The following TUT4 variants were observed in gnomAD, a reference collection of about 807,000 sequenced individuals.
The protein encoded by TUT4 is terminal uridylyl transferase 4.
A neutral mutation model predicts 192.2 loss-of-function variants in TUT4; 36 were observed. The ratio of observed to expected loss-of-function variants is 0.19; its 90% CI spans 0.14 to 0.25. TUT4 has a LOEUF of 0.25. Among genes scored for constraint, TUT4 ranks in the 10% least tolerant of loss-of-function variants. TUT4 has a pLI of 1.00. For missense variants in TUT4, 1,493 were observed against 1,957.2 expected, an observed-to-expected ratio of 0.76 and a Z score of 4.47; for synonymous variants, 618 against 666.0, an observed-to-expected ratio of 0.93 and a Z score of 1.11.
At chr1:52,458,087 A>C (rs1661480131) in intron 20 of TUT4, among the ~76,000 whole-genome samples, 1 of 152,232 alleles carries the variant, frequency 6.6e-6, no homozygotes, top group South Asian at 2.1e-4. Context: ...CTAAGACTGT[A>C]AAATTTAAAA....
chr1:52,544,389 T>G (rs1399460947), intron 1 of TUT4, among the ~76,000 whole-genome samples: 1 of 151,788 alleles, frequency 6.6e-6, no homozygotes, highest in Non-Finnish European at 1.5e-5. Context: ...AACCCTCACA[T>G]ATGTGGTCAA....
chr1:52,521,499 T>C (rs1680266617), intron 2 of TUT4, among the ~76,000 whole-genome samples: 1 of 151,430 alleles, frequency 6.6e-6, no homozygotes, highest in Non-Finnish European at 1.5e-5. Context: ...ACCCCATCTT[T>C]ACTAAAAATA....
At chr1:52,493,693 C>G in intron 6 of TUT4, 31 bp from the exon 7 acceptor site, 1 of 1,383,674 alleles carries the variant, frequency 7.2e-7, no homozygotes, top group Non-Finnish European at 1.0e-6. Context: ...AATCGATATA[C>G]TAATTTCAAA....
At position 52,458,320 on chromosome 1, in the gene TUT4, T is replaced by C; in HGVS notation, c.3435+16A>G. The C allele has an allele frequency of 1.3e-6, 2 of 1,599,628 alleles. No homozygotes were observed. The highest frequency in any genetic ancestry group is 1.7e-6 in the Non-Finnish European group (2 of 1,171,198). On this transcript the variant is annotated intron_variant, in intron 20 of 29. Transcript: ENST00000257177. ...TTTTCAAAAAAAACTCCTTTATAGT[T>C]TTCTTAAACACCTACCTCTTGTAGA...
chr1:52,433,924 T>C (rs892826399), intron 27 of TUT4: 1 of 152,198 alleles, frequency 6.6e-6, no homozygotes, highest in Non-Finnish European at 1.5e-5. Context: ...CAAAGAAGAA[T>C]GTACAGGGTG....
At chr1:52,468,382 G>T in intron 14 of TUT4, 115 bp from the exon 15 acceptor site, 1 of 704,748 alleles carries the variant, frequency 1.4e-6, no homozygotes, top group Non-Finnish European at 2.2e-6. Flanking sequence ...ATTATTTGTT[G>T]ACTTCTCTGA....
intron 4 of TUT4, among the ~76,000 whole-genome samples, chr1:52,503,145 GAATT>G (rs1223511614): frequency 6.6e-6 from 1 of 152,112 alleles, no homozygotes; most frequent in Non-Finnish European, 1.5e-5. Context: ...GTGGAACTGA[GAATT>G]AAATCTAGTT....
intron 7 of TUT4, 96 bp from the exon 8 acceptor site, chr1:52,490,897 C>G: frequency 1.0e-6 from 1 of 1,002,934 alleles, no homozygotes; most frequent in Admixed American, 2.7e-5. Context: ...GAAAATTATT[C>G]TCATTGCTTC....
At chr1:52,459,919 T>C (rs1662098210) in intron 19 of TUT4, among the ~76,000 whole-genome samples, 2 of 150,080 alleles carry the variant, frequency 1.3e-5, no homozygotes, top group Admixed American at 1.3e-4. Context: ...TAAAAAAATA[T>C]AGGGGAGGGG....
At chr1:52,553,121 G>GGGAGGA (rs1324174198), upstream of TUT4, 7 of 153,694 alleles carry the variant, frequency 4.6e-5, no homozygotes, top group African/African-American at 1.7e-4. Flanking sequence ...GATGGGGAGG[G>GGGAGGA]GGAGGAGGAG....
chr1:52,444,942 C>A (rs1656990257), intron 24 of TUT4, among the ~76,000 whole-genome samples: 1 of 113,348 alleles, frequency 8.8e-6, no homozygotes. Flanking sequence ...TATGTATATA[C>A]ATGTATGTGT....
chr1:52,464,639 C>A (rs923748524), intron 16 of TUT4, among the ~76,000 whole-genome samples: 10 of 152,028 alleles, frequency 6.6e-5, no homozygotes, highest in African/African-American at 2.4e-4. Flanking sequence ...AGAACAAAAC[C>A]AATTATAAAT....
At chr1:52,452,127 A>C (rs1659615375) in intron 20 of TUT4, among the ~76,000 whole-genome samples, 1 of 151,966 alleles carries the variant, frequency 6.6e-6, no homozygotes, top group African/African-American at 2.4e-5. Flanking sequence ...GCATTACCCT[A>C]ATACCAAAAC....
At chr1:52,477,611 T>C (rs956217872) in intron 12 of TUT4, 97 bp downstream of exon 12, 3 of 1,169,622 alleles carry the variant, frequency 2.6e-6, no homozygotes, top group African/African-American at 1.5e-5. Flanking sequence ...GACATATATA[T>C]ATAGTGCCAC....
intron 5 of TUT4, 34 bp from the exon 6 acceptor site, chr1:52,495,549 A>T: frequency 1.3e-6 from 2 of 1,502,780 alleles, no homozygotes; most frequent in Non-Finnish European, 1.8e-6. Flanking sequence ...AGCATGAAAT[A>T]GCATGCAAAT....
intron 15 of TUT4, among the ~76,000 whole-genome samples, chr1:52,467,023 T>C (rs1396537247): frequency 6.6e-6 from 1 of 152,104 alleles, no homozygotes; most frequent in Non-Finnish European, 1.5e-5. Flanking sequence ...CACACACCTG[T>C]AGTCCTAACG....
At chr1:52,429,216 T>G (rs1420884128) in intron 28 of TUT4, among the ~76,000 whole-genome samples, 1 of 151,334 alleles carries the variant, frequency 6.6e-6, no homozygotes, top group East Asian at 2.0e-4. Context: ...CCCGAGTAGC[T>G]GGGACTACAG....
chr1:52,446,149 G>A, intron 22 of TUT4, 116 bp downstream of exon 22: 4 of 1,334,962 alleles, frequency 3.0e-6, no homozygotes, highest in Non-Finnish European at 4.1e-6. Flanking sequence ...CACATTAAAG[G>A]AGGAAAACTG....
At chr1:52,462,725 C>T (rs553452714) in intron 16 of TUT4, 19 of 984,192 alleles carry the variant, frequency 1.9e-5, no homozygotes, top group Middle Eastern at 5.2e-4. Flanking sequence ...AAAGATACTC[C>T]TATTATCACC....
Sources: gnomAD v4.1 joint callset for allele counts (sites outside exome capture counted in the v4.1 genomes callset) on GRCh38, gnomAD v4.1.1 for gene constraint, MANE v1.5 for transcripts, NCBI Gene and HGNC (gene_info 2026-07-23, HGNC 2026-07-21) for gene names.